Variants in STK24 observed in about 807,000 individuals in gnomAD.
STK24 encodes serine/threonine-protein kinase 24.
A neutral mutation model predicts 55.6 loss-of-function variants in STK24; 21 were observed. That is an observed-to-expected ratio of 0.38 (90% CI 0.27 to 0.54). The LOEUF (loss-of-function observed/expected upper bound fraction) is 0.54. STK24 is among the 20% of genes least tolerant of loss of function. The pLI is 0.79. For synonymous variants in STK24, 200 were observed against 215.2 expected (o/e 0.93, Z 0.62); for missense variants, 383 against 538.4 (o/e 0.71, Z 2.86).
chr13:98,535,656 T>G (rs929492941), intron 1 of STK24, among the ~76,000 whole-genome samples: 1 of 152,032 alleles, frequency 6.6e-6, no homozygotes, highest in Admixed American at 6.5e-5. Flanking sequence ...AACCACCCCA[T>G]GAGAAAGAGA....
intron 1 of STK24, among the ~76,000 whole-genome samples, chr13:98,569,519 C>A (rs896836532): frequency 3.9e-5 from 6 of 152,026 alleles, no homozygotes; most frequent in South Asian, 4.2e-4. Context: ...GGGGGTGGCA[C>A]AAGAAGCATA....
intron 5 of STK24, among the ~76,000 whole-genome samples, chr13:98,468,710 C>G (rs1419662351): frequency 6.6e-6 from 1 of 152,228 alleles, no homozygotes; most frequent in Admixed American, 6.5e-5. Context: ...GACCCAGAGC[C>G]TTCTCATTTG....
chr13:98,563,173 A>T (rs1897473383), intron 1 of STK24, among the ~76,000 whole-genome samples: 1 of 152,170 alleles, frequency 6.6e-6, no homozygotes, highest in South Asian at 2.1e-4. Context: ...TTATGCCTCC[A>T]GGGAAATGAA....
At chr13:98,560,593 T>C (rs371595159) in intron 1 of STK24, among the ~76,000 whole-genome samples, 17 of 152,214 alleles carry the variant, frequency 1.1e-4, no homozygotes, top group African/African-American at 4.1e-4. Flanking sequence ...AAAAACATAA[T>C]TCTGGCCAGG....
intron 1 of STK24, among the ~76,000 whole-genome samples, chr13:98,526,530 T>C (rs1370135122): frequency 6.6e-6 from 1 of 152,172 alleles, no homozygotes; most frequent in Non-Finnish European, 1.5e-5. Context: ...GTGGAGGGGT[T>C]TGAACCTAGC....
chr13:98,469,960 G>C (rs1338669185), intron 5 of STK24, among the ~76,000 whole-genome samples: 1 of 152,174 alleles, frequency 6.6e-6, no homozygotes, highest in Non-Finnish European at 1.5e-5. Flanking sequence ...TTTGGAAAAT[G>C]GTATGGGCTG....
At chr13:98,456,624 G>A (rs1893470181) in intron 10 of STK24, 1 of 464,322 alleles carries the variant, frequency 2.2e-6, no homozygotes, top group South Asian at 1.6e-5. Context: ...CTCACCCATA[G>A]TGCATTCAAC....
At chr13:98,521,729 T>C in intron 1 of STK24, 1 of 773,870 alleles carries the variant, frequency 1.3e-6, no homozygotes, top group Non-Finnish European at 2.4e-6. Flanking sequence ...ACATACCCCG[T>C]TTTCAGCAGC....
chr13:98,538,612 T>C (rs1460890028), intron 1 of STK24, among the ~76,000 whole-genome samples: 1 of 152,196 alleles, frequency 6.6e-6, no homozygotes, highest in Non-Finnish European at 1.5e-5. Flanking sequence ...GCTCATCTTA[T>C]TCATTCTCTG....
chr13:98,545,499 T>G (rs1897006512), intron 1 of STK24, among the ~76,000 whole-genome samples: 3 of 152,084 alleles, frequency 2.0e-5, no homozygotes, highest in Admixed American at 2.0e-4. Flanking sequence ...CCAGGCTTGG[T>G]GGCGGGCGCC....
intron 1 of STK24, among the ~76,000 whole-genome samples, chr13:98,572,891 G>A (rs1594680344): frequency 6.6e-6 from 1 of 152,182 alleles, no homozygotes; most frequent in Admixed American, 6.5e-5. Context: ...GAATCAGTGG[G>A]CTGTGAAATC....
chr13:98,561,096 C>T (rs1266466857), intron 1 of STK24, among the ~76,000 whole-genome samples: 2 of 152,050 alleles, frequency 1.3e-5, no homozygotes, highest in African/African-American at 4.8e-5. Context: ...ATCCTTGTTT[C>T]GAATACAACT....
At position 98,470,430 on chromosome 13, in the gene STK24, C is replaced by G. The variant is rs1894099580; in HGVS notation, c.598-3869G>C. Among the ~76,000 whole-genome samples, 3 of 152,140 alleles carry G rather than the reference C, an allele frequency of 2.0e-5. No individual in the cohort carries two copies. The South Asian group carries it at 6.2e-4, about 32-fold the overall frequency. On this transcript the variant is annotated intron_variant, in intron 5 of 10. Transcript: ENST00000539966. ...ATAGGCGTGAGCCACTGTGCCTGGC[C>G]TATGTCTGAGTTTTAAAGTAAACTT...
chr13:98,568,500 G>A (rs1361247131), intron 1 of STK24, among the ~76,000 whole-genome samples: 1 of 152,132 alleles, frequency 6.6e-6, no homozygotes, highest in Non-Finnish European at 1.5e-5. Context: ...TATCTGCAAA[G>A]GAAGGAAAAA....
chr13:98,530,391 A>AATGACACTCTTCTCTTGGAT (rs1342572043), intron 1 of STK24, among the ~76,000 whole-genome samples: 1 of 152,182 alleles, frequency 6.6e-6, no homozygotes, highest in East Asian at 1.9e-4. Flanking sequence ...AGTCAGAGGT[A>AATGACACTCTTCTCTTGGAT]ATGACACTCT....
chr13:98,478,685 C>T (rs1461095736), intron 3 of STK24, among the ~76,000 whole-genome samples: 1 of 152,230 alleles, frequency 6.6e-6, no homozygotes, highest in East Asian at 1.9e-4. Context: ...TTTCTTAAAA[C>T]CCATGTCGTG....
chr13:98,483,397 G>T (rs1894676260), intron 2 of STK24, among the ~76,000 whole-genome samples: 1 of 151,236 alleles, frequency 6.6e-6, no homozygotes, highest in South Asian at 2.1e-4. Context: ...ACACATGGAG[G>T]AAAAAAAAAG....
intron 2 of STK24, among the ~76,000 whole-genome samples, chr13:98,493,085 A>T (rs1309948620): frequency 6.6e-6 from 1 of 152,244 alleles, no homozygotes; most frequent in Non-Finnish European, 1.5e-5. Flanking sequence ...CTGTAATTTG[A>T]AAGGTTTACG....
intron 1 of STK24, among the ~76,000 whole-genome samples, chr13:98,551,156 G>C (rs1594663017): frequency 6.6e-6 from 1 of 152,036 alleles, no homozygotes; most frequent in East Asian, 1.9e-4. Context: ...CATGGTGGCG[G>C]GCGCCTGTAG....
Sources: allele counts gnomAD v4.1 joint callset (sites outside exome capture counted in the v4.1 genomes callset), GRCh38; gene constraint gnomAD v4.1.1; transcripts MANE v1.5; gene names NCBI Gene and HGNC (gene_info 2026-07-23, HGNC 2026-07-21).